Variants in EFCAB13 observed in about 807,000 individuals in gnomAD.
The protein encoded by EFCAB13 is EF-hand calcium-binding domain-containing protein 13.
Under a neutral mutation model 110.2 loss-of-function variants are expected in EFCAB13, and 91 were observed. That is an observed-to-expected ratio of 0.83 (90% CI 0.70 to 0.98). EFCAB13 has a LOEUF of 0.98. Ranked by LOEUF, EFCAB13 falls within the 50% of genes least tolerant of loss-of-function variation. The pLI, the probability that EFCAB13 is intolerant of heterozygous loss-of-function variation, is 0.00. For missense variants in EFCAB13, 968 were observed against 1,119.4 expected, an observed-to-expected ratio of 0.86 and a Z score of 1.93; for synonymous variants, 323 against 369.9, an observed-to-expected ratio of 0.87 and a Z score of 1.45.
rs779540291 is a variant in EFCAB13 at position 47,412,907 on chromosome 17, A to G, written c.2413A>G (p.Asn805Asp). Residue 805 changes from asparagine to aspartate, a missense_variant, in exon 22 of 25, where the codon AAC becomes GAC. Physicochemically the swap from Asn to Asp is conservative, Grantham distance 23. Transcript: ENST00000331493. ...CTTCAATGAAGCCCTTAACTGTTGTAACGTCAGTGGTGAGCATTTTTTTGG... is the reference window on the plus strand; with the variant it reads ...CTTCAATGAAGCCCTTAACTGTTGTGACGTCAGTGGTGAGCATTTTTTTGG... ...EDFNEALNCC[N>D]VSDNMEVDLK... is the part of the protein sequence containing the mutation. The G allele has an allele frequency of 6.2e-7, 1 of 1,612,592 alleles. No homozygotes were observed. Among genetic ancestry groups the G allele is most frequent in the East Asian group, 2.2e-5 (1 of 44,830 alleles).
rs746876975 is a variant in EFCAB13 at position 47,402,190 on chromosome 17, T to A, written c.2004T>A (p.Ala668=). 7.4e-6 allele frequency: 12 copies of A among 1,613,684 alleles called. No individual in the cohort carries two copies. The East Asian group carries it at 2.7e-4, about 36-fold the overall frequency. The change falls in exon 18 of 25, where the codon GCT becomes GCA. Residue 668 remains alanine, a synonymous_variant. Transcript: ENST00000331493. ...FAKVVRNMRD[A]ARLEELQEVV... ...AAGTAGTAAGGAATATGCGTGATGC[T>A]GCCAGGTTAGAAGGTAAGTACTGAA...
chr17:47,398,806 G>C (rs868435198), intron 17 of EFCAB13, among the ~76,000 whole-genome samples: 3 of 151,394 alleles, frequency 2.0e-5, no homozygotes, highest in Non-Finnish European at 4.4e-5. Context: ...TCCTATGACC[G>C]TGCCAAATCC....
intron 2 of EFCAB13, among the ~76,000 whole-genome samples, chr17:47,325,766 C>G (rs1046639233): frequency 1.3e-5 from 2 of 151,596 alleles, no homozygotes; most frequent in Admixed American, 1.3e-4. Context: ...TGCATCTCTT[C>G]CCCTATACTA....
At chr17:47,342,148 C>A in intron 6 of EFCAB13, 116 bp downstream of exon 6, 2 of 597,408 alleles carry the variant, frequency 3.3e-6, no homozygotes, top group Non-Finnish European at 5.9e-6. Context: ...AATATCACTA[C>A]CTGGTCTTGC....
intron 14 of EFCAB13, among the ~76,000 whole-genome samples, chr17:47,383,681 G>A (rs1359839717): frequency 6.6e-6 from 1 of 152,192 alleles, no homozygotes; most frequent in Non-Finnish European, 1.5e-5. Context: ...TTGCTGAGGA[G>A]TATTTTGCTT....
rs1341709881 is a variant in EFCAB13, at chr17:47,395,833, G to T, written c.1802-1G>T. On this transcript the variant is annotated splice_acceptor_variant, in intron 16 of 24. Transcript: ENST00000331493. LOFTEE classifies it high-confidence loss of function. Reference sequence around the variant, plus strand: ...AAACTTGTGTTTTATCTACCCTTTAGTATTGCCTGATGCTATTGAAACCCT... The same window carrying T: ...AAACTTGTGTTTTATCTACCCTTTATTATTGCCTGATGCTATTGAAACCCT... 1 of 1,599,576 alleles carries T rather than the reference G, an allele frequency of 6.3e-7. No individual in the cohort carries two copies. Among genetic ancestry groups the T allele is most frequent in the Admixed American group, 1.7e-5 (1 of 59,200 alleles).
At chr17:47,389,024 T>C (rs1025432413) in intron 14 of EFCAB13, among the ~76,000 whole-genome samples, 2 of 152,118 alleles carry the variant, frequency 1.3e-5, no homozygotes, top group African/African-American at 4.8e-5. Context: ...TTTCACATGC[T>C]TACTAGCCAT....
chr17:47,325,463 C>A (rs539120716), intron 2 of EFCAB13, among the ~76,000 whole-genome samples: 1 of 152,278 alleles, frequency 6.6e-6, no homozygotes, highest in Admixed American at 6.5e-5. Flanking sequence ...AGAACTCTTT[C>A]AATGCTTGTC....
intron 9 of EFCAB13, 46 bp from the exon 10 acceptor site, chr17:47,361,332 A>G (rs1199070042): frequency 1.3e-6 from 2 of 1,590,628 alleles, no homozygotes; most frequent in Non-Finnish European, 1.7e-6. Flanking sequence ...CTGCTTTTCC[A>G]AGAAAAGCTG....
At chr17:47,337,073 C>T (rs1468746599) in intron 5 of EFCAB13, among the ~76,000 whole-genome samples, 1 of 152,156 alleles carries the variant, frequency 6.6e-6, no homozygotes, top group Non-Finnish European at 1.5e-5. Context: ...AACATTTTCA[C>T]CACTACTCCT....
At chr17:47,399,063 C>T (rs923045449) in intron 17 of EFCAB13, among the ~76,000 whole-genome samples, 7 of 152,110 alleles carry the variant, frequency 4.6e-5, no homozygotes, top group Non-Finnish European at 8.8e-5. Flanking sequence ...GCTGGGACTA[C>T]AGGTGCACAG....
chr17:47,376,199 A>G (rs576594122), intron 12 of EFCAB13, among the ~76,000 whole-genome samples: 16 of 152,366 alleles, frequency 1.1e-4, no homozygotes, highest in African/African-American at 3.6e-4. Flanking sequence ...AAATAACTCA[A>G]TGGAAAAAAG....
Position 47,414,845 on chromosome 17 carries a change from C to T in EFCAB13, c.2423-3C>T, listed in dbSNP as rs1489527902. 1 of 1,592,936 alleles carries T rather than the reference C, an allele frequency of 6.3e-7. No homozygotes were observed. Among genetic ancestry groups the T allele is most frequent in the Non-Finnish European group, 8.6e-7 (1 of 1,166,000 alleles). On this transcript the variant is annotated splice_polypyrimidine_tract_variant and splice_region_variant and intron_variant, in intron 22 of 24. Transcript: ENST00000331493. ...GTCAGCATTTTTTACTTTGACCTTC[C>T]AGATAATATGGAGGTGGATTTAAAA...
At chr17:47,388,824 T>A (rs1267126365) in intron 14 of EFCAB13, among the ~76,000 whole-genome samples, 1 of 152,202 alleles carries the variant, frequency 6.6e-6, no homozygotes, top group Non-Finnish European at 1.5e-5. Context: ...TCTTAAACTG[T>A]CAAAACTGTT....
intron 6 of EFCAB13, among the ~76,000 whole-genome samples, chr17:47,342,479 T>C (rs1378043910): frequency 2.0e-5 from 3 of 152,176 alleles, no homozygotes; most frequent in Non-Finnish European, 4.4e-5. Flanking sequence ...TTCAAGATCT[T>C]AACTTGATTA....
At chr17:47,351,304 T>TGTGC (rs1280645583) in intron 9 of EFCAB13, among the ~76,000 whole-genome samples, 74 of 123,096 alleles carry the variant, frequency 6.0e-4, no homozygotes, top group African/African-American at 1.8e-3. Context: ...TGTGTGTGTG[T>TGTGC]GCGCGCGCGC....
rs1381371507 is a variant in EFCAB13, at chr17:47,344,161, G to A, written c.304-1G>A. 5 of 1,612,254 alleles carry A rather than the reference G, an allele frequency of 3.1e-6. No individual in the cohort carries two copies. On this transcript the variant is annotated splice_acceptor_variant, in intron 6 of 24. Transcript: ENST00000331493. LOFTEE classifies it high-confidence loss of function. ...ACCAACATACTTGCATTTGGCTCTA[G>A]ATTATCCCTCCTTTTCTGAAGCTGT... is the stretch of plus-strand genomic sequence containing the variant.
Position 47,398,432 on chromosome 17 carries a change from G to A in EFCAB13, c.1945+2455G>A, listed in dbSNP as rs866693900. Among the ~76,000 whole-genome samples the A allele has an allele frequency of 2.6e-3, 400 of 151,502 alleles. 1 individual carries two copies. The highest frequency in any genetic ancestry group is 6.7e-3 in the South Asian group (32 of 4,746). Reference sequence around the variant, plus strand: ...TGTGGAATAGAAAGGGGGGAAAGGTGGGGAAAAGATTGAGAAATCGGATGG... The same window carrying A: ...TGTGGAATAGAAAGGGGGGAAAGGTAGGGAAAAGATTGAGAAATCGGATGG... On this transcript the variant is annotated intron_variant, in intron 17 of 24. Coordinates refer to ENST00000331493, the MANE Select transcript of EFCAB13 (RefSeq NM_152347.5).
intron 24 of EFCAB13, among the ~76,000 whole-genome samples, chr17:47,432,491 T>A (rs905635377): frequency 1.3e-5 from 2 of 151,930 alleles, no homozygotes; most frequent in African/African-American, 4.8e-5. Flanking sequence ...ACTTGGGGGG[T>A]TGAGGCAAGA....
Sources: gnomAD v4.1 joint callset for allele counts (sites outside exome capture counted in the v4.1 genomes callset) on GRCh38, gnomAD v4.1.1 for gene constraint, MANE v1.5 for transcripts, NCBI Gene and HGNC (gene_info 2026-07-23, HGNC 2026-07-21) for gene names.